The following IL1RAPL2 variants were observed in gnomAD, a reference collection of about 807,000 sequenced individuals.
The protein encoded by IL1RAPL2 is X-linked interleukin-1 receptor accessory protein-like 2.
IL1RAPL2 carries 3 observed loss-of-function variants against 44.1 expected under a neutral mutation model. That is an observed-to-expected ratio of 0.07 (90% confidence interval 0.03 to 0.18). IL1RAPL2 has a LOEUF of 0.18. IL1RAPL2 is among the 10% of genes least tolerant of loss of function. The probability of loss-of-function intolerance (pLI) is 1.00; values close to 1 mark genes in which losing one functional copy is unlikely to be tolerated. For synonymous variants in IL1RAPL2, 181 were observed against 178.8 expected (o/e 1.01, Z -0.10); for missense variants, 391 against 496.4 (o/e 0.79, Z 2.02).
At chrX:105,102,764 T>C (rs1190169333) in intron 2 of IL1RAPL2, among the ~76,000 whole-genome samples, 1 of 111,914 alleles carries the variant, frequency 8.9e-6, no homozygotes, top group Non-Finnish European at 1.9e-5. Context: ...GAATAGGCTA[T>C]TGCAATAACC....
At chrX:105,332,071 C>A (rs2034990605) in intron 5 of IL1RAPL2, among the ~76,000 whole-genome samples, 1 of 109,419 alleles carries the variant, frequency 9.1e-6, no homozygotes, top group Non-Finnish European at 1.9e-5. Flanking sequence ...CCAGAACAAT[C>A]CAAATGAATA....
At chrX:104,635,943 T>C (rs1929792824) in intron 1 of IL1RAPL2, among the ~76,000 whole-genome samples, 1 of 111,992 alleles carries the variant, frequency 8.9e-6, no homozygotes, top group Non-Finnish European at 1.9e-5. Flanking sequence ...TTCCAGTTTT[T>C]CTGCTCTGTT....
chrX:105,451,234 G>A (rs1349111042), intron 5 of IL1RAPL2, among the ~76,000 whole-genome samples: 5 of 111,399 alleles, frequency 4.5e-5, no homozygotes, highest in Non-Finnish European at 9.4e-5. Context: ...CTGTTAGAAT[G>A]AAATAGAAAC....
At chrX:105,223,237 A>G (rs1349614605) in intron 3 of IL1RAPL2, among the ~76,000 whole-genome samples, 3 of 111,573 alleles carry the variant, frequency 2.7e-5, no homozygotes, top group Non-Finnish European at 5.6e-5. Context: ...TAGGAGAGAC[A>G]TCAGAGCTGA....
At chrX:104,857,332 AT>A (rs1240324234) in intron 2 of IL1RAPL2, among the ~76,000 whole-genome samples, 1 of 111,763 alleles carries the variant, frequency 8.9e-6, no homozygotes, top group Non-Finnish European at 1.9e-5. Flanking sequence ...GTGTACATTT[AT>A]TTGTCCTTTC....
At chrX:105,713,932 C>T (rs210437) in intron 6 of IL1RAPL2, among the ~76,000 whole-genome samples, 6,489 of 110,985 alleles carry the variant, frequency 0.058, 451 homozygotes, top group African/African-American at 0.19. Context: ...CATCTTTAAG[C>T]CATCTCTTTG....
intron 1 of IL1RAPL2, among the ~76,000 whole-genome samples, chrX:104,604,094 T>C (rs188995345): frequency 5.8e-4 from 65 of 112,317 alleles, no homozygotes; most frequent in Non-Finnish European, 9.8e-4. Flanking sequence ...CCCATCAGAC[T>C]AACAGCAGAT....
At chrX:105,037,209 A>G (rs2031645197) in intron 2 of IL1RAPL2, among the ~76,000 whole-genome samples, 1 of 111,773 alleles carries the variant, frequency 8.9e-6, no homozygotes, top group Non-Finnish European at 1.9e-5. Context: ...TGGTTGTTGA[A>G]TGGAAAGATA....
intron 2 of IL1RAPL2, among the ~76,000 whole-genome samples, chrX:104,990,175 G>A (rs1016036799): frequency 8.9e-6 from 1 of 112,036 alleles, no homozygotes; most frequent in Non-Finnish European, 1.9e-5. Flanking sequence ...AAATTGGGCC[G>A]ATGTGTATCT....
chrX:105,670,015 TCTTTC>T (rs1254869417), intron 6 of IL1RAPL2, among the ~76,000 whole-genome samples: 2 of 98,361 alleles, frequency 2.0e-5, no homozygotes, highest in African/African-American at 7.4e-5. Context: ...GAAAAGCCTG[TCTTTC>T]CTCCATTGAA....
chrX:104,850,410 A>G (rs1017985157), intron 2 of IL1RAPL2, among the ~76,000 whole-genome samples: 4 of 111,385 alleles, frequency 3.6e-5, no homozygotes. Context: ...AGAAAATGTT[A>G]TTATTTCTTT....
At chrX:105,254,637 G>C (rs1419763224) in intron 4 of IL1RAPL2, among the ~76,000 whole-genome samples, 1 of 112,041 alleles carries the variant, frequency 8.9e-6, no homozygotes, top group Non-Finnish European at 1.9e-5. Flanking sequence ...CTGTGTCTAT[G>C]TCCTGAATGC....
intron 2 of IL1RAPL2, among the ~76,000 whole-genome samples, chrX:104,977,865 G>T (rs1408813271): frequency 8.9e-6 from 1 of 112,253 alleles, no homozygotes; most frequent in African/African-American, 3.2e-5. Context: ...TTAAGGGGTA[G>T]ATTATGCAGA....
chrX:105,752,339 A>C (rs1018154835), intron 9 of IL1RAPL2, among the ~76,000 whole-genome samples: 3 of 112,651 alleles, frequency 2.7e-5, no homozygotes, highest in Non-Finnish European at 5.6e-5. Flanking sequence ...ATAAACACAA[A>C]TGGCTTCTTG....
At chrX:104,916,520 A>C (rs1430651495) in intron 2 of IL1RAPL2, among the ~76,000 whole-genome samples, 1 of 111,435 alleles carries the variant, frequency 9.0e-6, no homozygotes, top group Non-Finnish European at 1.9e-5. Flanking sequence ...GCAAACAGGG[A>C]CAATTTGACT....
chrX:104,609,015 C>T (rs1244270312), intron 1 of IL1RAPL2, among the ~76,000 whole-genome samples: 2 of 111,547 alleles, frequency 1.8e-5, no homozygotes, highest in Non-Finnish European at 3.8e-5. Context: ...ATGTTTAGTG[C>T]TTCCTTCAGG....
intron 2 of IL1RAPL2, among the ~76,000 whole-genome samples, chrX:104,983,679 A>G (rs183232964): frequency 0.035 from 3,456 of 99,020 alleles, 72 homozygotes; most frequent in Non-Finnish European, 0.053. Context: ...ATAATATTAT[A>G]TACATAATAT....
intron 6 of IL1RAPL2, among the ~76,000 whole-genome samples, chrX:105,528,735 CCTT>C (rs1176455215): frequency 9.0e-6 from 1 of 110,896 alleles, no homozygotes; most frequent in African/African-American, 3.3e-5. Flanking sequence ...AGAATCAAGA[CCTT>C]CTCCTACATA....
At chrX:104,853,943 G>A (rs1161331059) in intron 2 of IL1RAPL2, among the ~76,000 whole-genome samples, 2 of 108,645 alleles carry the variant, frequency 1.8e-5, no homozygotes, top group African/African-American at 6.7e-5. Context: ...AGTATAGGAT[G>A]GTACTGGAGT....
Sources: allele counts gnomAD v4.1 joint callset (sites outside exome capture counted in the v4.1 genomes callset), GRCh38; gene constraint gnomAD v4.1.1; transcripts MANE v1.5; gene names NCBI Gene and HGNC (gene_info 2026-07-23, HGNC 2026-07-21).